FAM83B: variants seen among roughly 807,000 people sequenced by gnomAD.
The protein encoded by FAM83B is scaffolding CK1 anchoring protein B, also known as protein FAM83B.
In FAM83B, 26 loss-of-function variants were observed where a neutral mutation model predicts 38.8. That is an observed-to-expected ratio of 0.67 (90% CI 0.49 to 0.93). The LOEUF is 0.93. Among genes scored for constraint, FAM83B ranks in the 40% least tolerant of loss-of-function variants. FAM83B has a pLI of 0.00. For missense variants in FAM83B, 1,237 were observed against 1,197.3 expected, an observed-to-expected ratio of 1.03 and a Z score of -0.49; for synonymous variants, 419 against 423.1, an observed-to-expected ratio of 0.99 and a Z score of 0.12.
intron 1 of FAM83B, among the ~76,000 whole-genome samples, chr6:54,847,438 T>C (rs2127569979): frequency 6.6e-6 from 1 of 151,806 alleles, no homozygotes; most frequent in African/African-American, 2.4e-5. Context: ...CCTGTGTTTT[T>C]CATACTTGGG....
At position 54,870,303 on chromosome 6, in the gene FAM83B, C is replaced by T. The variant is rs1771814738; in HGVS notation, c.57C>T (p.Tyr19=). The change falls in exon 2 of 5, where the codon TAC becomes TAT. Residue 19 remains tyrosine, a synonymous_variant. Coordinates refer to ENST00000306858, the MANE Select transcript of FAM83B (RefSeq NM_001010872.3). ...SLNDECKSDN[Y]IEPHYKEWYR... is the part of the protein sequence containing the mutation. ...ATGATGAGTGTAAATCTGACAACTACATTGAGCCTCACTACAAGGAATGGT... is the reference window on the plus strand; with the variant it reads ...ATGATGAGTGTAAATCTGACAACTATATTGAGCCTCACTACAAGGAATGGT... The T allele has an allele frequency of 2.5e-6, 4 of 1,613,984 alleles. No individual in the cohort carries two copies. The highest frequency in any genetic ancestry group is 3.4e-6 in the Non-Finnish European group (4 of 1,179,906).
chr6:54,901,395 C>A (rs1772657213), intron 2 of FAM83B, among the ~76,000 whole-genome samples: 1 of 151,480 alleles, frequency 6.6e-6, no homozygotes, highest in South Asian at 2.1e-4. Flanking sequence ...TCCTCTTGAG[C>A]AAATGTGATA....
chr6:54,941,134 G>A lies in FAM83B; in HGVS notation c.2163G>A (p.Glu721=). ...TGACTCATAACTTGGAGGAGGATGA[G>A]GAGGAAGTTACCAAGAGAAACTCTC... is the stretch of plus-strand genomic sequence containing the variant. ...HNVTHNLEED[E]EEVTKRNSPS... is the part of the protein sequence containing the mutation. The change falls in exon 5 of 5, where the codon GAG becomes GAA. Residue 721 remains glutamate, a synonymous_variant. Coordinates refer to ENST00000306858, the MANE Select transcript of FAM83B (RefSeq NM_001010872.3). 6.2e-7 allele frequency: 1 copy of A among 1,613,956 alleles called. No individual in the cohort carries two copies. The highest frequency in any genetic ancestry group is 1.3e-5 in the African/African-American group (1 of 75,034).
At chr6:54,849,634 T>C (rs575075982) in intron 1 of FAM83B, among the ~76,000 whole-genome samples, 30 of 151,944 alleles carry the variant, frequency 2.0e-4, no homozygotes, top group Non-Finnish European at 3.8e-4. Flanking sequence ...GCTGTCTATG[T>C]TGGGAAGTCC....
At chr6:54,917,956 C>G (rs1221779450) in intron 2 of FAM83B, among the ~76,000 whole-genome samples, 1 of 151,918 alleles carries the variant, frequency 6.6e-6, no homozygotes, top group East Asian at 1.9e-4. Flanking sequence ...TAATAAATAC[C>G]TGCAAAGTTA....
At chr6:54,930,375 C>G (rs1773393679) in intron 4 of FAM83B, among the ~76,000 whole-genome samples, 1 of 152,080 alleles carries the variant, frequency 6.6e-6, no homozygotes, top group East Asian at 1.9e-4. Flanking sequence ...CTATGACATC[C>G]CATCTGAACT....
chr6:54,878,557 A>G (rs1257764605), intron 2 of FAM83B, among the ~76,000 whole-genome samples: 2 of 152,172 alleles, frequency 1.3e-5, no homozygotes. Flanking sequence ...GGCAGAACAC[A>G]GGAGACATAG....
intron 2 of FAM83B, among the ~76,000 whole-genome samples, chr6:54,888,717 G>A (rs2127579742): frequency 6.6e-6 from 1 of 151,888 alleles, no homozygotes; most frequent in African/African-American, 2.4e-5. Context: ...GATGTAACTA[G>A]GGGAACAGTT....
At chr6:54,858,907 C>A (rs953744175) in intron 1 of FAM83B, among the ~76,000 whole-genome samples, 5 of 152,058 alleles carry the variant, frequency 3.3e-5, no homozygotes, top group Non-Finnish European at 5.9e-5. Flanking sequence ...CAGTACTCAG[C>A]GCATTTCTGG....
chr6:54,853,685 C>A (rs1771365961), intron 1 of FAM83B, among the ~76,000 whole-genome samples: 1 of 152,136 alleles, frequency 6.6e-6, no homozygotes, highest in Admixed American at 6.5e-5. Context: ...ATAGACTGTG[C>A]ACCTGGTCAC....
chr6:54,923,879 T>A (rs1424969945), intron 2 of FAM83B, among the ~76,000 whole-genome samples: 2 of 150,956 alleles, frequency 1.3e-5, no homozygotes, highest in African/African-American at 2.4e-5. Context: ...TTTTTTTTTT[T>A]AACTTTTGCA....
chr6:54,869,113 C>T (rs1771783877), intron 1 of FAM83B, among the ~76,000 whole-genome samples: 2 of 152,172 alleles, frequency 1.3e-5, no homozygotes, highest in South Asian at 2.1e-4. Context: ...ATTCTGTGGG[C>T]ATTGTGAGAG....
intron 2 of FAM83B, among the ~76,000 whole-genome samples, chr6:54,903,965 A>G (rs1476073393): frequency 2.0e-5 from 3 of 151,740 alleles, no homozygotes; most frequent in South Asian, 2.1e-4. Context: ...GGCAACCCTT[A>G]TCCATTATGG....
At chr6:54,853,681 T>C (rs992605905) in intron 1 of FAM83B, among the ~76,000 whole-genome samples, 2 of 152,236 alleles carry the variant, frequency 1.3e-5, no homozygotes, top group African/African-American at 2.4e-5. Flanking sequence ...GCTTATAGAC[T>C]GTGCACCTGG....
At chr6:54,937,835 A>T (rs1002836636) in intron 4 of FAM83B, among the ~76,000 whole-genome samples, 1 of 152,160 alleles carries the variant, frequency 6.6e-6, no homozygotes, top group Admixed American at 6.6e-5. Context: ...GTTTTGACAC[A>T]GATGTAAAAT....
intron 1 of FAM83B, among the ~76,000 whole-genome samples, chr6:54,861,121 A>G (rs988269794): frequency 3.9e-5 from 6 of 152,182 alleles, no homozygotes; most frequent in African/African-American, 1.4e-4. Flanking sequence ...TCTAGTTTAT[A>G]CTTTAGTCAA....
chr6:54,886,579 A>G (rs998090200), intron 2 of FAM83B, among the ~76,000 whole-genome samples: 3 of 151,978 alleles, frequency 2.0e-5, no homozygotes, highest in Non-Finnish European at 2.9e-5. Flanking sequence ...ATTGTTTATA[A>G]TATCTCCTCA....
At chr6:54,907,480 T>C (rs188245824) in intron 2 of FAM83B, among the ~76,000 whole-genome samples, 1 of 152,298 alleles carries the variant, frequency 6.6e-6, no homozygotes, top group East Asian at 1.9e-4. Flanking sequence ...TTCAGTTCTT[T>C]ATTCTCTTTG....
At chr6:54,893,540 AG>A (rs1284566455) in intron 2 of FAM83B, among the ~76,000 whole-genome samples, 1 of 152,122 alleles carries the variant, frequency 6.6e-6, no homozygotes, top group East Asian at 1.9e-4. Flanking sequence ...TATCATCACC[AG>A]GTGGTTCTTA....
Sources: gnomAD v4.1 joint callset for allele counts (sites outside exome capture counted in the v4.1 genomes callset) on GRCh38, gnomAD v4.1.1 for gene constraint, MANE v1.5 for transcripts, NCBI Gene and HGNC (gene_info 2026-07-23, HGNC 2026-07-21) for gene names.